The following CSMD2 variants were observed in gnomAD, a reference collection of about 807,000 sequenced individuals.
The protein encoded by CSMD2 is CUB and Sushi multiple domains 2, also known as CUB and sushi domain-containing protein 2.
CSMD2 carries 130 observed loss-of-function variants against 398.5 expected under a neutral mutation model. The ratio of observed to expected loss-of-function variants is 0.33; its 90% CI spans 0.28 to 0.38. The LOEUF (loss-of-function observed/expected upper bound fraction) is 0.38. Ranked by LOEUF, CSMD2 falls within the 10% of genes least tolerant of loss-of-function variation. CSMD2 has a pLI of 1.00. For synonymous variants in CSMD2, 1,828 were observed against 1,908.5 expected, an observed-to-expected ratio of 0.96 and a Z score of 1.10; for missense variants, 3,829 against 4,764.9, an observed-to-expected ratio of 0.80 and a Z score of 5.78.
chr1:33,627,390 G>T (rs776886723), intron 32 of CSMD2, among the ~76,000 whole-genome samples: 56 of 152,108 alleles, frequency 3.7e-4, no homozygotes, highest in Admixed American at 1.9e-3. Flanking sequence ...CTGGGGAAGC[G>T]CAGGGAGAAC....
chr1:33,546,473 C>G (rs1432065955), intron 56 of CSMD2, among the ~76,000 whole-genome samples: 1 of 152,212 alleles, frequency 6.6e-6, no homozygotes, highest in East Asian at 1.9e-4. Flanking sequence ...GGCTCTGTGG[C>G]CCGTGCCAGT....
chr1:33,937,894 G>T (rs1335942349), intron 3 of CSMD2, among the ~76,000 whole-genome samples: 1 of 152,256 alleles, frequency 6.6e-6, no homozygotes, highest in Non-Finnish European at 1.5e-5. Context: ...ATTCCATTGG[G>T]CCACAGGGCC....
At chr1:34,017,981 C>T (rs1648361959) in intron 3 of CSMD2, among the ~76,000 whole-genome samples, 1 of 152,062 alleles carries the variant, frequency 6.6e-6, no homozygotes, top group African/African-American at 2.4e-5. Context: ...TTTGGTTTTT[C>T]TCCCATTTGC....
chr1:33,916,253 A>G (rs2358521), intron 5 of CSMD2, among the ~76,000 whole-genome samples: 91,508 of 152,044 alleles, frequency 0.6, 28,254 homozygotes, highest in African/African-American at 0.69. Flanking sequence ...CAGCTAGCTT[A>G]ATCTAGGCCA....
intron 55 of CSMD2, among the ~76,000 whole-genome samples, chr1:33,553,865 G>A (rs1036469001): frequency 2.6e-5 from 4 of 152,114 alleles, no homozygotes; most frequent in African/African-American, 7.2e-5. Context: ...CACCTACCAT[G>A]GAAGGTAGGT....
intron 29 of CSMD2, among the ~76,000 whole-genome samples, chr1:33,645,505 ACAAAT>A (rs1240388370): frequency 1.3e-5 from 2 of 152,224 alleles, no homozygotes; most frequent in Non-Finnish European, 2.9e-5. Flanking sequence ...TGTCAAGCTC[ACAAAT>A]CAAGCAAGGA....
chr1:33,540,311 C>T (rs1267386474), intron 60 of CSMD2, among the ~76,000 whole-genome samples: 6 of 151,882 alleles, frequency 4.0e-5, no homozygotes, highest in East Asian at 1.9e-4. Flanking sequence ...CCTTCTGTTA[C>T]CATAGACAGT....
At chr1:33,653,744 G>A (rs1028713538) in intron 27 of CSMD2, among the ~76,000 whole-genome samples, 1 of 152,114 alleles carries the variant, frequency 6.6e-6, no homozygotes, top group African/African-American at 2.4e-5. Context: ...GAAGCGTGTG[G>A]GGTCGTTAGC....
chr1:33,563,082 G>C (rs1435858653), intron 53 of CSMD2, among the ~76,000 whole-genome samples: 1 of 152,234 alleles, frequency 6.6e-6, no homozygotes, highest in Non-Finnish European at 1.5e-5. Context: ...GATGAGGCTT[G>C]AGCACTTAAT....
intron 42 of CSMD2, 67 bp from the exon 43 acceptor site, chr1:33,602,613 C>T: frequency 2.2e-6 from 3 of 1,336,388 alleles, no homozygotes; most frequent in Non-Finnish European, 3.0e-6. Context: ...CAGATGCCTT[C>T]CTGAGGAAAT....
intron 41 of CSMD2, 100 bp downstream of exon 41, chr1:33,610,941 G>A (rs1640956371): frequency 8.6e-7 from 1 of 1,161,230 alleles, no homozygotes; most frequent in African/African-American, 1.5e-5. Flanking sequence ...CACCCCTTAT[G>A]GTGTTCTGTT....
chr1:34,110,760 G>A (rs1316792931), intron 1 of CSMD2, among the ~76,000 whole-genome samples: 1 of 152,126 alleles, frequency 6.6e-6, no homozygotes, highest in Non-Finnish European at 1.5e-5. Context: ...GAGAACGGGA[G>A]GAGGGAGAGG....
intron 37 of CSMD2, among the ~76,000 whole-genome samples, chr1:33,618,004 T>A (rs1252503008): frequency 2.4e-5 from 2 of 84,996 alleles, no homozygotes; most frequent in Non-Finnish European, 4.9e-5. Flanking sequence ...AGAAGACAGA[T>A]CCTGTGGGCT....
chr1:33,679,115 A>G (rs532243655), intron 25 of CSMD2, among the ~76,000 whole-genome samples: 5 of 152,118 alleles, frequency 3.3e-5, no homozygotes, highest in African/African-American at 1.2e-4. Flanking sequence ...TGAGGGGCCA[A>G]TGTATCTTTG....
At chr1:34,135,193 C>A (rs1638590374) in intron 1 of CSMD2, among the ~76,000 whole-genome samples, 1 of 148,452 alleles carries the variant, frequency 6.7e-6, no homozygotes, top group Non-Finnish European at 1.5e-5. Flanking sequence ...ATGCATATAT[C>A]CTTTGAGGCA....
At chr1:33,730,038 T>G (rs142597052) in intron 15 of CSMD2, among the ~76,000 whole-genome samples, 16 of 152,324 alleles carry the variant, frequency 1.1e-4, no homozygotes, top group Non-Finnish European at 2.1e-4. Context: ...TGATAGCAAA[T>G]GTATGGAAAC....
chr1:33,587,417 G>T (rs1380763407), intron 44 of CSMD2, among the ~76,000 whole-genome samples: 1 of 152,152 alleles, frequency 6.6e-6, no homozygotes, highest in Non-Finnish European at 1.5e-5. Flanking sequence ...AGCACTGAAG[G>T]GTGGGAGAGG....
chr1:33,675,376 C>T (rs1464244473), intron 25 of CSMD2, among the ~76,000 whole-genome samples: 1 of 152,124 alleles, frequency 6.6e-6, no homozygotes. Context: ...GGATAAATTC[C>T]TACAAACATA....
chr1:34,005,831 G>C (rs1233475675), intron 3 of CSMD2, among the ~76,000 whole-genome samples: 2 of 152,168 alleles, frequency 1.3e-5, no homozygotes. Flanking sequence ...CTGCTTCCCA[G>C]GTATAAGCAT....
Sources: allele counts gnomAD v4.1 joint callset (sites outside exome capture counted in the v4.1 genomes callset), GRCh38; gene constraint gnomAD v4.1.1; transcripts MANE v1.5; gene names NCBI Gene and HGNC (gene_info 2026-07-23, HGNC 2026-07-21).